The following CRB1 variants were observed in gnomAD, a reference collection of about 807,000 sequenced individuals.
CRB1 encodes protein crumbs homolog 1.
CRB1 carries 83 observed loss-of-function variants against 120.0 expected under a neutral mutation model. That is an observed-to-expected ratio of 0.69 (90% CI 0.58 to 0.83). The LOEUF (loss-of-function observed/expected upper bound fraction) is 0.83, where lower values mean the gene tolerates loss of function less well. Ranked by LOEUF, CRB1 falls within the 40% of genes least tolerant of loss-of-function variation. CRB1 has a pLI of 0.00. For synonymous variants in CRB1, 625 were observed against 612.5 expected (o/e 1.02, Z -0.30); for missense variants, 1,699 against 1,687.6 (o/e 1.01, Z -0.12).
intron 1 of CRB1, among the ~76,000 whole-genome samples, chr1:197,309,181 T>C (rs1308810920): frequency 2.0e-5 from 3 of 152,030 alleles, no homozygotes; most frequent in African/African-American, 7.2e-5. Flanking sequence ...TAATTCACAA[T>C]TGCACAAGAG....
intron 1 of CRB1, among the ~76,000 whole-genome samples, chr1:197,275,553 TG>T (rs1655156998): frequency 6.6e-6 from 1 of 152,102 alleles, no homozygotes; most frequent in Non-Finnish European, 1.5e-5. Flanking sequence ...CTCTTTACAC[TG>T]TCCCTACCTT....
At chr1:197,281,956 G>C (rs1197813654) in intron 1 of CRB1, among the ~76,000 whole-genome samples, 3 of 150,970 alleles carry the variant, frequency 2.0e-5, no homozygotes, top group African/African-American at 7.3e-5. Flanking sequence ...AGAAGATAAA[G>C]AGTATAATAA....
rs1185550203 is a variant in CRB1 at position 197,477,993 on chromosome 1, C to A, written c.*114C>A. ...ATCTGCAACTGGGATTACACTGGAACTACAGGAATGATTCCTTTGACCACC... is the reference window on the plus strand; with the variant it reads ...ATCTGCAACTGGGATTACACTGGAAATACAGGAATGATTCCTTTGACCACC... On this transcript the variant is annotated 3_prime_UTR_variant, in exon 12 of 12. Coordinates refer to ENST00000367400, the MANE Select transcript of CRB1 (RefSeq NM_201253.3). The A allele has an allele frequency of 3.8e-6, 4 of 1,062,302 alleles. No homozygotes were observed. The Admixed American group carries it at 5.5e-5, about 15-fold the overall frequency. The allele number at this position is 1,062,302 out of a possible 1,614,324, so 65.8% of individuals were successfully genotyped here. A position where few individuals can be genotyped will look rare whatever the true frequency, so the allele number is the denominator to read the frequency against.
At chr1:197,353,831 A>AAAAAAC (rs1558075014) in intron 4 of CRB1, among the ~76,000 whole-genome samples, 1 of 150,666 alleles carries the variant, frequency 6.6e-6, no homozygotes, top group Non-Finnish European at 1.5e-5. Flanking sequence ...AAAAAAAAAA[A>AAAAAAC]AAAAAACTTT....
chr1:197,394,312 T>C (rs1662661151), intron 5 of CRB1, among the ~76,000 whole-genome samples: 1 of 152,170 alleles, frequency 6.6e-6, no homozygotes, highest in South Asian at 2.1e-4. Context: ...TACTTTATTT[T>C]GATAATATAG....
At chr1:197,349,830 G>A (rs959098201) in intron 4 of CRB1, among the ~76,000 whole-genome samples, 9 of 152,152 alleles carry the variant, frequency 5.9e-5, no homozygotes, top group Admixed American at 2.0e-4. Context: ...GCTGGGCGCG[G>A]TGGCTCACGC....
chr1:197,319,432 C>CAAAAAAAAAA (rs10646084), intron 1 of CRB1, among the ~76,000 whole-genome samples: 21 of 27,084 alleles, frequency 7.8e-4, no homozygotes, highest in South Asian at 3.5e-3. Context: ...GACTCCATCT[C>CAAAAAAAAAA]AAAAAAAAAA....
intron 1 of CRB1, among the ~76,000 whole-genome samples, chr1:197,275,450 T>G (rs1234740811): frequency 3.3e-5 from 5 of 152,078 alleles, no homozygotes; most frequent in Admixed American, 2.6e-4. Context: ...TTGTTATGTT[T>G]CAAGAGACAT....
chr1:197,416,918 C>G (rs1024423194), intron 5 of CRB1, among the ~76,000 whole-genome samples: 1 of 152,106 alleles, frequency 6.6e-6, no homozygotes, highest in Non-Finnish European at 1.5e-5. Flanking sequence ...CCATATTGGT[C>G]AAGCTGGTCT....
chr1:197,347,316 A>G (rs1228283165), intron 3 of CRB1, 24 bp from the exon 4 acceptor site: 19 of 1,608,694 alleles, frequency 1.2e-5, no homozygotes, highest in African/African-American at 2.7e-5. Flanking sequence ...AAGAGTTGAC[A>G]TGAAAATTTC....
At chr1:197,415,344 A>C (rs926005563) in intron 5 of CRB1, among the ~76,000 whole-genome samples, 2 of 152,162 alleles carry the variant, frequency 1.3e-5, no homozygotes, top group Non-Finnish European at 2.9e-5. Flanking sequence ...GGTGATCTTT[A>C]TGAGAAACCA....
intron 6 of CRB1, chr1:197,422,706 A>G (rs1413520257): frequency 6.6e-6 from 1 of 152,296 alleles, no homozygotes; most frequent in East Asian, 1.9e-4. Context: ...ATAGTGATCA[A>G]TATATACCTG....
Position 197,387,703 on chromosome 1 carries a change from C to G in CRB1, c.1171+30690C>G, listed in dbSNP as rs559564373. Among the ~76,000 whole-genome samples, 142 of 151,686 alleles carry G rather than the reference C, an allele frequency of 9.4e-4. 1 individual carries two copies. The South Asian group carries it at 0.013, about 14-fold the overall frequency. Reference sequence around the variant, plus strand: ...TTTTATTGGGTGCAACAATTTTTTTCTAAAAAGTTTGTTTACATGAATACA... The same window carrying G: ...TTTTATTGGGTGCAACAATTTTTTTGTAAAAAGTTTGTTTACATGAATACA... On this transcript the variant is annotated intron_variant, in intron 5 of 11. Coordinates refer to ENST00000367400, the MANE Select transcript of CRB1 (RefSeq NM_201253.3).
rs369606249 is a variant in CRB1 at position 197,383,307 on chromosome 1, C to T, written c.1171+26294C>T. Among the ~76,000 whole-genome samples, 5 of 152,146 alleles carry T rather than the reference C, an allele frequency of 3.3e-5. No homozygotes were observed. The East Asian group carries it at 5.8e-4, about 18-fold the overall frequency. ...GGGATCATACTAACAATTCTTTACT[C>T]GAGATTTTCTAAGCTTCATCTCTGA... On this transcript the variant is annotated intron_variant, in intron 5 of 11. Coordinates refer to ENST00000367400, the MANE Select transcript of CRB1 (RefSeq NM_201253.3).
the CRB1 span, among the ~76,000 whole-genome samples, chr1:197,262,535 A>C: frequency 2.6e-5 from 4 of 151,962 alleles, no homozygotes; most frequent in Non-Finnish European, 4.4e-5. Context: ...TTTCTTTTTT[A>C]AAAAATTTAA....
chr1:197,433,198 ACT>A (rs1664959764), intron 8 of CRB1, among the ~76,000 whole-genome samples: 1 of 151,590 alleles, frequency 6.6e-6, no homozygotes, highest in Non-Finnish European at 1.5e-5. Context: ...GATCATGTAC[ACT>A]CTTGTGGTTA....
intron 11 of CRB1, among the ~76,000 whole-genome samples, chr1:197,459,189 G>T (rs921471666): frequency 6.6e-6 from 1 of 152,034 alleles, no homozygotes; most frequent in African/African-American, 2.4e-5. Flanking sequence ...GGATTCCCTC[G>T]ACCAAACTTT....
At chr1:197,393,733 A>G (rs568892613) in intron 5 of CRB1, among the ~76,000 whole-genome samples, 2 of 152,270 alleles carry the variant, frequency 1.3e-5, no homozygotes, top group South Asian at 2.1e-4. Context: ...AGCCCACTAT[A>G]ACCTCTGCTT....
At chr1:197,311,525 A>C (rs942095126) in intron 1 of CRB1, among the ~76,000 whole-genome samples, 1 of 152,186 alleles carries the variant, frequency 6.6e-6, no homozygotes, top group Non-Finnish European at 1.5e-5. Flanking sequence ...AAAAATTCAT[A>C]GTTTTTAACT....
Sources: allele counts gnomAD v4.1 joint callset (sites outside exome capture counted in the v4.1 genomes callset), GRCh38; gene constraint gnomAD v4.1.1; transcripts MANE v1.5; gene names NCBI Gene and HGNC (gene_info 2026-07-23, HGNC 2026-07-21).